LVRN: variants seen among roughly 807,000 people sequenced by gnomAD.
The protein encoded by LVRN is laeverin, also known as aminopeptidase Q.
Under a neutral mutation model 111.4 loss-of-function variants are expected in LVRN, and 99 were observed. The ratio of observed to expected loss-of-function variants is 0.89; its 90% CI spans 0.76 to 1.05. LVRN has a LOEUF of 1.05. Among genes scored for constraint, LVRN ranks in the 50% least tolerant of loss-of-function variants. The pLI, the probability that LVRN is intolerant of heterozygous loss-of-function variation, is 0.00. For synonymous variants in LVRN, 488 were observed against 449.5 expected (o/e 1.09, Z -1.08); for missense variants, 1,414 against 1,206.8 (o/e 1.17, Z -2.54).
chr5:115,965,472 A>G (rs913551426), intron 1 of LVRN, among the ~76,000 whole-genome samples: 1 of 152,236 alleles, frequency 6.6e-6, no homozygotes, highest in African/African-American at 2.4e-5. Context: ...AAAATTTTTA[A>G]TGAGCAAAAA....
chr5:116,018,677 C>CAA (rs139054508), intron 18 of LVRN, among the ~76,000 whole-genome samples: 20 of 151,362 alleles, frequency 1.3e-4, no homozygotes, highest in Admixed American at 3.9e-4. Context: ...ACTCCATCTC[C>CAA]AAAAAAGAAA....
intron 6 of LVRN, among the ~76,000 whole-genome samples, chr5:115,998,250 AT>A (rs1437825284): frequency 5.1e-5 from 6 of 118,034 alleles, no homozygotes; most frequent in Admixed American, 5.0e-4. Flanking sequence ...GAAGAAAATC[AT>A]CTGTGGTTTG....
Position 115,984,466 on chromosome 5 carries a change from T to C in LVRN, c.839-104T>C, listed in dbSNP as rs551687078. 1.3e-5 allele frequency: 18 copies of C among 1,359,460 alleles called. No homozygotes were observed. The South Asian group carries it at 2.0e-4, about 15-fold the overall frequency. 84.2% of individuals were successfully genotyped at this position (1,359,460 alleles called of 1,614,324 possible). ...ATCTGAACTGCTAGACTATGAGGAA[T>C]AGCTGGAAAGGAGTAGCTGGGTGAC... On this transcript the variant is annotated intron_variant, in intron 2 of 19. Transcript: ENST00000357872.
chr5:115,989,450 C>A (rs1001713275), intron 4 of LVRN, among the ~76,000 whole-genome samples: 1 of 152,174 alleles, frequency 6.6e-6, no homozygotes, highest in African/African-American at 2.4e-5. Flanking sequence ...ATCCAGGAAG[C>A]CTTCCCTGAC....
intron 1 of LVRN, among the ~76,000 whole-genome samples, chr5:115,978,322 G>A (rs1753489235): frequency 1.3e-5 from 2 of 152,192 alleles, no homozygotes; most frequent in South Asian, 4.1e-4. Flanking sequence ...CTCTCTGGGA[G>A]ATGGTTTTGC....
Position 116,010,432 on chromosome 5 carries a change from T to C in LVRN, c.2094-309T>C, listed in dbSNP as rs1052471500. ...ATTAATATTTGTTGAATGCAAATTA[T>C]GCTGTCATAAGAATGCATACAGAAT... On this transcript the variant is annotated intron_variant, in intron 13 of 19. Transcript: ENST00000357872. The C allele has an allele frequency of 1.2e-4, 49 of 413,414 alleles. No individual in the cohort carries two copies. The East Asian group carries it at 3.2e-3, about 27-fold the overall frequency. 25.6% of individuals were successfully genotyped at this position (413,414 alleles called of 1,614,324 possible). A position where few individuals can be genotyped will look rare whatever the true frequency, so the allele number is the denominator to read the frequency against.
At chr5:115,993,372 T>C (rs1409960288) in intron 5 of LVRN, among the ~76,000 whole-genome samples, 1 of 152,224 alleles carries the variant, frequency 6.6e-6, no homozygotes, top group East Asian at 1.9e-4. Flanking sequence ...TATAAGGTGC[T>C]AGAATTAGTA....
chr5:116,006,341 C>G (rs79212064), intron 13 of LVRN, among the ~76,000 whole-genome samples: 8,540 of 151,500 alleles, frequency 0.056, 423 homozygotes, highest in East Asian at 0.24. Flanking sequence ...AATTTTCAGG[C>G]AATAAAATTA....
intron 1 of LVRN, among the ~76,000 whole-genome samples, chr5:115,963,840 T>C (rs995959805): frequency 2.6e-5 from 4 of 152,206 alleles, no homozygotes; most frequent in African/African-American, 9.7e-5. Flanking sequence ...ATCCCGTTTG[T>C]TTCTATTGCT....
intron 1 of LVRN, chr5:115,974,952 C>T: frequency 2.3e-6 from 1 of 439,834 alleles, no homozygotes; most frequent in South Asian, 1.9e-5. Context: ...AAATGATCTG[C>T]AACTGCCTTT....
chr5:115,991,626 G>T lies in LVRN; in HGVS notation c.1106-497G>T, dbSNP rs547129765. ...ACTGTACCATTTTGCATCCCCACGAGCAATGAATGAGAGTTCCTGTTGCTC... is the reference window on the plus strand; with the variant it reads ...ACTGTACCATTTTGCATCCCCACGATCAATGAATGAGAGTTCCTGTTGCTC... On this transcript the variant is annotated intron_variant, in intron 4 of 19. Transcript: ENST00000357872. 3.3e-5 allele frequency among the ~76,000 whole-genome samples: 5 copies of T among 152,292 alleles called. No homozygotes were observed. In the East Asian group the frequency reaches 9.7e-4, roughly 29 times the overall value.
Position 115,962,797 on chromosome 5 carries a change from T to C in LVRN, c.180T>C (p.Pro60=). The C allele has an allele frequency of 3.7e-6, 6 of 1,610,218 alleles. No homozygotes were observed. The highest frequency in any genetic ancestry group is 5.1e-6 in the Non-Finnish European group (6 of 1,178,544). Residue 60 remains proline (P), a synonymous_variant, in exon 1 of 20, where the codon CCT becomes CCC. Coordinates refer to ENST00000357872, the MANE Select transcript of LVRN (RefSeq NM_173800.5). The part of the protein sequence containing the change: ...GLRDLEAESS[P]PLRQKPTPTP... ...GGGACTTGGAAGCCGAGTCTTCCCCTCCCCTCAGGCAGAAGCCGACGCCAA... is the reference window on the plus strand; with the variant it reads ...GGGACTTGGAAGCCGAGTCTTCCCCCCCCCTCAGGCAGAAGCCGACGCCAA...
At chr5:116,010,073 T>C (rs1362517393) in intron 13 of LVRN, among the ~76,000 whole-genome samples, 2 of 152,208 alleles carry the variant, frequency 1.3e-5, no homozygotes, top group Non-Finnish European at 2.9e-5. Flanking sequence ...CCACCTCAGC[T>C]TCAGCAACCA....
chr5:116,008,631 A>T (rs1482771349), intron 13 of LVRN, among the ~76,000 whole-genome samples: 1 of 151,792 alleles, frequency 6.6e-6, no homozygotes, highest in Non-Finnish European at 1.5e-5. Flanking sequence ...AAACAGCCTT[A>T]TTGCTGATAT....
chr5:115,986,964 A>C (rs1747883472), intron 3 of LVRN, among the ~76,000 whole-genome samples: 1 of 152,192 alleles, frequency 6.6e-6, no homozygotes, highest in South Asian at 2.1e-4. Flanking sequence ...GGTAACTTTC[A>C]TTCCAAGATC....
intron 1 of LVRN, among the ~76,000 whole-genome samples, chr5:115,971,450 G>A (rs1753324148): frequency 6.6e-6 from 1 of 152,046 alleles, no homozygotes; most frequent in South Asian, 2.1e-4. Flanking sequence ...TCTTTCAGAA[G>A]TTTTATAGTT....
chr5:115,997,146 G>A lies in LVRN; in HGVS notation c.1375-2616G>A, dbSNP rs1748131300. Among the ~76,000 whole-genome samples the A allele has an allele frequency of 2.6e-5, 4 of 152,080 alleles. No homozygotes were observed. In the South Asian group the frequency reaches 8.3e-4, roughly 32 times the overall value. On this transcript the variant is annotated intron_variant, in intron 6 of 19. Coordinates refer to ENST00000357872, the MANE Select transcript of LVRN (RefSeq NM_173800.5). The stretch of plus-strand genomic sequence containing the variant: ...TTGGAACATCATGAAAATTAATTTA[G>A]TACTCATAATAATCCATTGAGGACA...
At chr5:116,019,208 A>G (rs1748662249) in intron 18 of LVRN, among the ~76,000 whole-genome samples, 1 of 151,778 alleles carries the variant, frequency 6.6e-6, no homozygotes, top group South Asian at 2.1e-4. Context: ...TTGTGTATTT[A>G]AACATATCTA....
chr5:115,981,601 T>A (rs1753561345), intron 1 of LVRN, among the ~76,000 whole-genome samples: 1 of 152,204 alleles, frequency 6.6e-6, no homozygotes, highest in Non-Finnish European at 1.5e-5. Flanking sequence ...TATACCCTAG[T>A]TATTTTTAAA....
Sources: allele counts gnomAD v4.1 joint callset (sites outside exome capture counted in the v4.1 genomes callset), GRCh38; gene constraint gnomAD v4.1.1; transcripts MANE v1.5; gene names NCBI Gene and HGNC (gene_info 2026-07-23, HGNC 2026-07-21).